The following ENOX1 variants were observed in gnomAD, a reference collection of about 807,000 sequenced individuals.
ENOX1 encodes the protein ecto-NOX disulfide-thiol exchanger 1.
A neutral mutation model predicts 82.5 loss-of-function variants in ENOX1; 42 were observed. The observed-to-expected ratio is 0.51, with a 90% CI of 0.40 to 0.66. ENOX1 has a LOEUF of 0.66. Among genes scored for constraint, ENOX1 ranks in the 30% least tolerant of loss-of-function variants. ENOX1 has a pLI of 0.00. For missense variants in ENOX1, 608 were observed against 811.6 expected (o/e 0.75, Z 3.05); for synonymous variants, 271 against 282.2 (o/e 0.96, Z 0.40).
At position 43,595,646 on chromosome 13, in the gene ENOX1, A is replaced by G. The variant is rs2081437097; in HGVS notation, c.-219+71833T>C. 3.9e-5 allele frequency among the ~76,000 whole-genome samples: 6 copies of G among 152,228 alleles called. No individual in the cohort carries two copies. The South Asian group carries it at 8.3e-4, about 21-fold the overall frequency. On this transcript the variant is annotated intron_variant, in intron 2 of 16. Coordinates refer to ENST00000690772, the MANE Select transcript of ENOX1 (RefSeq NM_001347969.2). Reference sequence around the variant, plus strand: ...AGAGGGTACACTTTTCACTTTCATCAGAGGTATTTTCATAGGAAAATACTG... The same window carrying G: ...AGAGGGTACACTTTTCACTTTCATCGGAGGTATTTTCATAGGAAAATACTG...
At chr13:43,252,700 C>T (rs76807059) in intron 14 of ENOX1, among the ~76,000 whole-genome samples, 10 of 152,236 alleles carry the variant, frequency 6.6e-5, no homozygotes, top group Non-Finnish European at 1.5e-4. Context: ...GATTTAAAGC[C>T]ACCAGTGTGG....
intron 3 of ENOX1, among the ~76,000 whole-genome samples, chr13:43,482,510 G>GTGTTGCTTTACAA (rs2058544854): frequency 6.6e-6 from 1 of 152,150 alleles, no homozygotes; most frequent in Non-Finnish European, 1.5e-5. Context: ...AACAGGTATA[G>GTGTTGCTTTACAA]CACTTTAGTT....
intron 2 of ENOX1, among the ~76,000 whole-genome samples, chr13:43,621,001 T>A (rs1207751880): frequency 6.6e-6 from 1 of 152,180 alleles, no homozygotes; most frequent in Admixed American, 6.5e-5. Context: ...TTATATAACA[T>A]CTCTGTCTCT....
chr13:43,738,164 GCC>G (rs994677601), intron 1 of ENOX1, among the ~76,000 whole-genome samples: 12 of 152,016 alleles, frequency 7.9e-5, no homozygotes, highest in African/African-American at 2.9e-4. Flanking sequence ...CTTCACAAAA[GCC>G]CTTTTACCCA....
chr13:43,319,735 G>A (rs997523468), intron 11 of ENOX1, among the ~76,000 whole-genome samples: 10 of 152,186 alleles, frequency 6.6e-5, no homozygotes, highest in African/African-American at 1.9e-4. Flanking sequence ...GAATTTCCAA[G>A]AATTCCTGGG....
At chr13:43,512,152 G>C (rs1337600548) in intron 2 of ENOX1, among the ~76,000 whole-genome samples, 2 of 152,126 alleles carry the variant, frequency 1.3e-5, no homozygotes, top group East Asian at 3.9e-4. Context: ...GATCTACAAA[G>C]GCTGTTGAGA....
chr13:43,696,490 G>T (rs2153806714), intron 1 of ENOX1, among the ~76,000 whole-genome samples: 1 of 152,266 alleles, frequency 6.6e-6, no homozygotes, highest in East Asian at 1.9e-4. Context: ...TACTTCAAAA[G>T]ATATTTTACA....
intron 10 of ENOX1, among the ~76,000 whole-genome samples, chr13:43,324,747 AG>A (rs1269730453): frequency 7.0e-6 from 1 of 142,680 alleles, no homozygotes; most frequent in Non-Finnish European, 1.5e-5. Context: ...CAAAGCAAGC[AG>A]GCTCCTTAGA....
intron 5 of ENOX1, among the ~76,000 whole-genome samples, chr13:43,409,175 A>C (rs2053974260): frequency 6.6e-6 from 1 of 152,168 alleles, no homozygotes; most frequent in African/African-American, 2.4e-5. Flanking sequence ...GTTATAGAAT[A>C]ATTTAAGATA....
intron 3 of ENOX1, among the ~76,000 whole-genome samples, chr13:43,428,556 G>A (rs747320519): frequency 6.6e-6 from 1 of 152,120 alleles, no homozygotes; most frequent in Non-Finnish European, 1.5e-5. Context: ...GCTGGTCCCA[G>A]CTTTATATAT....
intron 2 of ENOX1, among the ~76,000 whole-genome samples, chr13:43,633,417 C>T (rs9533562): frequency 0.15 from 22,708 of 152,054 alleles, 2,069 homozygotes; most frequent in East Asian, 0.39. Flanking sequence ...GATATTCTTA[C>T]ACATGTACAC....
chr13:43,438,999 T>C (rs980375964), intron 3 of ENOX1, among the ~76,000 whole-genome samples: 2 of 152,068 alleles, frequency 1.3e-5, no homozygotes, highest in Non-Finnish European at 2.9e-5. Context: ...CAGTGTATTA[T>C]TGTGTGAGAA....
chr13:43,535,106 T>C (rs939643021), intron 2 of ENOX1, among the ~76,000 whole-genome samples: 3 of 152,136 alleles, frequency 2.0e-5, no homozygotes, highest in Non-Finnish European at 4.4e-5. Context: ...GGAAAATAAC[T>C]CCTCCACACA....
intron 2 of ENOX1, among the ~76,000 whole-genome samples, chr13:43,628,424 T>C (rs2083062364): frequency 6.6e-6 from 1 of 152,196 alleles, no homozygotes; most frequent in Admixed American, 6.5e-5. Context: ...TCAGTTTCTG[T>C]ATTCTCAGTT....
intron 16 of ENOX1, among the ~76,000 whole-genome samples, chr13:43,220,081 G>A (rs1045829991): frequency 6.6e-6 from 1 of 152,010 alleles, no homozygotes; most frequent in African/African-American, 2.4e-5. Flanking sequence ...AGGGAGGGGA[G>A]GAAGGAAGGG....
chr13:43,657,508 C>G (rs2084497972), intron 2 of ENOX1, among the ~76,000 whole-genome samples: 1 of 152,194 alleles, frequency 6.6e-6, no homozygotes, highest in Non-Finnish European at 1.5e-5. Flanking sequence ...GTCCTCATGG[C>G]TCTGCTGAGA....
At chr13:43,515,635 T>C (rs1286787179) in intron 2 of ENOX1, among the ~76,000 whole-genome samples, 1 of 152,144 alleles carries the variant, frequency 6.6e-6, no homozygotes, top group Non-Finnish European at 1.5e-5. Context: ...TCCCTCAAAT[T>C]ACACACAAGA....
At chr13:43,748,745 A>G (rs1042740986) in intron 1 of ENOX1, among the ~76,000 whole-genome samples, 1 of 152,236 alleles carries the variant, frequency 6.6e-6, no homozygotes, top group Admixed American at 6.5e-5. Context: ...ACCAGACATA[A>G]TAAGTACTAA....
chr13:43,734,309 T>C (rs980954639), intron 1 of ENOX1, among the ~76,000 whole-genome samples: 1 of 152,168 alleles, frequency 6.6e-6, no homozygotes, highest in Non-Finnish European at 1.5e-5. Context: ...GTGTGTTCCA[T>C]TCTTTTACCT....
Sources: allele counts gnomAD v4.1 joint callset (sites outside exome capture counted in the v4.1 genomes callset), GRCh38; gene constraint gnomAD v4.1.1; transcripts MANE v1.5; gene names NCBI Gene and HGNC (gene_info 2026-07-23, HGNC 2026-07-21).